Variants in IGSF11 observed in about 807,000 individuals in gnomAD.
The protein encoded by IGSF11 is immunoglobulin superfamily member 11.
A neutral mutation model predicts 41.0 loss-of-function variants in IGSF11; 22 were observed. The observed-to-expected ratio is 0.54, with a 90% confidence interval of 0.38 to 0.77. The LOEUF is 0.77. IGSF11 is among the 30% of genes least tolerant of loss of function. The pLI, the probability that IGSF11 is intolerant of heterozygous loss-of-function variation, is 0.00. For missense variants in IGSF11, 444 were observed against 530.8 expected (o/e 0.84, Z 1.61); for synonymous variants, 219 against 201.3 (o/e 1.09, Z -0.74).
intron 1 of IGSF11, among the ~76,000 whole-genome samples, chr3:119,029,370 A>T (rs1940178216): frequency 6.6e-6 from 1 of 152,014 alleles, no homozygotes; most frequent in Non-Finnish European, 1.5e-5. Flanking sequence ...ACAAGGGGAA[A>T]ATATTAGCAT....
intron 1 of IGSF11, among the ~76,000 whole-genome samples, chr3:118,935,374 A>C (rs1439837731): frequency 1.8e-5 from 2 of 113,582 alleles, no homozygotes; most frequent in Non-Finnish European, 3.4e-5. Context: ...CCTGAGATAT[A>C]TACACACACA....
Position 118,902,761 on chromosome 3 carries a change from G to A in IGSF11, c.1055C>T (p.Ala352Val), listed in dbSNP as rs762624872. Reference sequence around the variant, plus strand: ...ATTAGCATAAATGGATGGTATGTTGGCATTGCCTGAGTGGAAAGAGAAAGA... The same window carrying A: ...ATTAGCATAAATGGATGGTATGTTGACATTGCCTGAGTGGAAAGAGAAAGA... ...GQSFSFHSGN[A>V]NIPSIYANGT... The change falls in exon 7 of 7, where the codon GCC becomes GTC. Residue 352 changes from alanine to valine, a missense_variant. By Grantham distance (64) the Ala-to-Val change is moderately conservative. Coordinates refer to ENST00000393775, the MANE Select transcript of IGSF11 (RefSeq NM_001015887.3). 1.3e-5 allele frequency: 21 copies of A among 1,614,022 alleles called. No individual in the cohort carries two copies. The African/African-American group carries it at 2.5e-4, about 19-fold the overall frequency.
At chr3:119,029,237 T>TACACACAC (rs10662902) in intron 1 of IGSF11, among the ~76,000 whole-genome samples, 1,731 of 123,154 alleles carry the variant, frequency 0.014, 19 homozygotes, top group Admixed American at 0.018. Context: ...CTTTTGGGAA[T>TACACACAC]ACACACACAC....
chr3:118,993,984 T>G (rs548416959), intron 1 of IGSF11, among the ~76,000 whole-genome samples: 1 of 152,322 alleles, frequency 6.6e-6, no homozygotes, highest in Admixed American at 6.5e-5. Flanking sequence ...AACAATCAAA[T>G]TGTACACTGT....
chr3:119,045,387 G>C (rs561049780), intron 1 of IGSF11, among the ~76,000 whole-genome samples: 71 of 152,338 alleles, frequency 4.7e-4, no homozygotes, highest in Middle Eastern at 3.4e-3. Flanking sequence ...GGTGACGAAC[G>C]GCACCTGGAA....
At chr3:119,022,228 G>A (rs1278271848) in intron 1 of IGSF11, among the ~76,000 whole-genome samples, 1 of 152,162 alleles carries the variant, frequency 6.6e-6, no homozygotes, top group Non-Finnish European at 1.5e-5. Flanking sequence ...TCTGGAATAG[G>A]TAAATTTATA....
At chr3:118,966,520 T>C (rs1046978337) in intron 1 of IGSF11, among the ~76,000 whole-genome samples, 9 of 152,206 alleles carry the variant, frequency 5.9e-5, no homozygotes, top group African/African-American at 2.2e-4. Context: ...ATCTAGCCTT[T>C]CTGATTTGCA....
Position 119,073,685 on chromosome 3 carries a change from G to A in IGSF11, c.49+31459C>T, listed in dbSNP as rs149497449. Among the ~76,000 whole-genome samples the A allele has an allele frequency of 4.1e-3, 628 of 152,292 alleles. 3 individuals are homozygous for A. The highest frequency in any genetic ancestry group is 7.1e-3 in the Non-Finnish European group (481 of 68,018). ...CTGCCCAGGGCCGGGAGCACCGGCCGGCTGCTCCAAGTGTGGGGCCACTGA... is the reference window on the plus strand; with the variant it reads ...CTGCCCAGGGCCGGGAGCACCGGCCAGCTGCTCCAAGTGTGGGGCCACTGA... On this transcript the variant is annotated intron_variant, in intron 1 of 6. Coordinates refer to the IGSF11 transcript ENST00000354673.
intron 1 of IGSF11, among the ~76,000 whole-genome samples, chr3:118,956,303 C>T (rs1047059882): frequency 6.6e-6 from 1 of 152,186 alleles, no homozygotes; most frequent in African/African-American, 2.4e-5. Flanking sequence ...ACTGGAGTAT[C>T]ACTTCTAATC....
intron 1 of IGSF11, among the ~76,000 whole-genome samples, chr3:119,083,537 A>ACAAACACAC (rs2076620709): frequency 9.9e-5 from 4 of 40,354 alleles, no homozygotes; most frequent in African/African-American, 3.1e-4. Flanking sequence ...CACACACACA[A>ACAAACACAC]ACACACACAC....
chr3:119,097,957 A>ATTTTTT lies in IGSF11; in HGVS notation c.49+7181_49+7186dup, dbSNP rs377746200. Among the ~76,000 whole-genome samples, 47 of 58,360 alleles carry ATTTTTT rather than the reference A, an allele frequency of 8.1e-4. 4 individuals are homozygous for ATTTTTT. Among genetic ancestry groups the ATTTTTT allele is most frequent in the East Asian group, 6.6e-3 (12 of 1,830 alleles). The allele number at this position is 58,360 out of a possible 152,430, so 38.3% of individuals were successfully genotyped here. ...AGGCACATGCCACCACATTCAGCTA[A>ATTTTTT]TTTTTTTTTTTTTTTTTTTTTTTTT... On this transcript the variant is annotated intron_variant, in intron 1 of 6. Transcript: ENST00000354673.
At chr3:119,002,690 T>A (rs1475997044) in intron 1 of IGSF11, among the ~76,000 whole-genome samples, 1 of 133,620 alleles carries the variant, frequency 7.5e-6, no homozygotes, top group East Asian at 2.1e-4. Context: ...TTTCTACATA[T>A]GGCTAGCCAG....
At position 118,965,936 on chromosome 3, in the gene IGSF11, T is replaced by C. The variant is rs370324238; in HGVS notation, c.53-35661A>G. ...CAGTTGGGTGGATGAGTTCTGGGTATGGAGCAGTTCATAGCGTTCAGAAAA... is the reference window on the plus strand; with the variant it reads ...CAGTTGGGTGGATGAGTTCTGGGTACGGAGCAGTTCATAGCGTTCAGAAAA... On this transcript the variant is annotated intron_variant, in intron 1 of 6. Coordinates refer to ENST00000393775, the MANE Select transcript of IGSF11 (RefSeq NM_001015887.3). Among the ~76,000 whole-genome samples, 5 of 151,530 alleles carry C rather than the reference T, an allele frequency of 3.3e-5. No homozygotes were observed. The East Asian group carries it at 5.8e-4, about 18-fold the overall frequency.
At chr3:119,097,800 G>T (rs955584374) in intron 1 of IGSF11, among the ~76,000 whole-genome samples, 2 of 150,970 alleles carry the variant, frequency 1.3e-5, no homozygotes, top group South Asian at 2.1e-4. Context: ...TATGAGATTG[G>T]TTTTTTTTGA....
intron 1 of IGSF11, among the ~76,000 whole-genome samples, chr3:119,145,552 G>C (rs926129334): frequency 6.6e-6 from 1 of 152,144 alleles, no homozygotes; most frequent in Non-Finnish European, 1.5e-5. Context: ...TCTGCTGTAA[G>C]ACCACTAGAT....
intron 1 of IGSF11, among the ~76,000 whole-genome samples, chr3:119,082,923 A>C (rs1211201685): frequency 6.6e-6 from 1 of 152,140 alleles, no homozygotes; most frequent in Non-Finnish European, 1.5e-5. Context: ...AAGGGAGTAT[A>C]AAAAGAAAAA....
At chr3:118,942,947 T>A (rs1422163055) in intron 1 of IGSF11, 1 of 152,124 alleles carries the variant, frequency 6.6e-6, no homozygotes, top group Non-Finnish European at 1.5e-5. Flanking sequence ...GTTGGCCAAG[T>A]TCCTTGACAA....
intron 1 of IGSF11, among the ~76,000 whole-genome samples, chr3:119,129,573 G>A (rs2077450192): frequency 6.6e-6 from 1 of 152,104 alleles, no homozygotes; most frequent in African/African-American, 2.4e-5. Flanking sequence ...ATTAGTTTTT[G>A]TTTGTTTTCT....
chr3:119,062,553 C>T (rs1158738551), intron 1 of IGSF11, among the ~76,000 whole-genome samples: 12 of 152,082 alleles, frequency 7.9e-5, no homozygotes, highest in South Asian at 2.1e-4. Flanking sequence ...CATATTATTG[C>T]GAGGTTCTAA....
Sources: gnomAD v4.1 joint callset for allele counts (sites outside exome capture counted in the v4.1 genomes callset) on GRCh38, gnomAD v4.1.1 for gene constraint, MANE v1.5 for transcripts, NCBI Gene and HGNC (gene_info 2026-07-23, HGNC 2026-07-21) for gene names.